Variants in FGF13 observed in about 807,000 individuals in gnomAD.
The protein encoded by FGF13 is fibroblast growth factor homologous factor 2.
A neutral mutation model predicts 19.5 loss-of-function variants in FGF13; 2 were observed. That is an observed-to-expected ratio of 0.10 (90% CI 0.04 to 0.32). The LOEUF (loss-of-function observed/expected upper bound fraction) is 0.32, where lower values mean the gene tolerates loss of function less well. Ranked by LOEUF, FGF13 falls within the 10% of genes least tolerant of loss-of-function variation. The pLI is 1.00. For missense variants in FGF13, 113 were observed against 192.7 expected (o/e 0.59, Z 2.45); for synonymous variants, 72 against 76.9 (o/e 0.94, Z 0.33).
chrX:139,193,653 T>C (rs1041373131), intron 1 of FGF13, among the ~76,000 whole-genome samples: 1 of 111,030 alleles, frequency 9.0e-6, no homozygotes. Flanking sequence ...AATATAAAAA[T>C]AATAAGTAGG....
chrX:139,087,619 A>T (rs907296032), intron 1 of FGF13, among the ~76,000 whole-genome samples: 9 of 111,708 alleles, frequency 8.1e-5, no homozygotes, highest in African/African-American at 2.9e-4. Flanking sequence ...TGATATAGTT[A>T]TTTCAGTTGT....
chrX:138,792,642 G>A (rs1157985109), intron 3 of FGF13, among the ~76,000 whole-genome samples: 1 of 111,606 alleles, frequency 9.0e-6, no homozygotes, highest in African/African-American at 3.3e-5. Flanking sequence ...ACCTAGGATG[G>A]CCTGAGACTG....
At chrX:139,013,236 C>T (rs772326840) in intron 1 of FGF13, among the ~76,000 whole-genome samples, 9 of 109,034 alleles carry the variant, frequency 8.3e-5, no homozygotes, top group Non-Finnish European at 1.5e-4. Flanking sequence ...ACAATTACAC[C>T]GTTGGAGGGA....
intron 1 of FGF13, 84 bp downstream of exon 1, chrX:138,710,733 C>A: frequency 8.7e-7 from 1 of 1,153,143 alleles, no homozygotes; most frequent in Non-Finnish European, 1.2e-6. Flanking sequence ...CACCAACAAA[C>A]TCACCTATGC....
intron 1 of FGF13, among the ~76,000 whole-genome samples, chrX:138,875,227 G>A (rs1602985992): frequency 1.1e-5 from 1 of 92,415 alleles, no homozygotes; most frequent in African/African-American, 4.3e-5. Context: ...GCGAGACTCT[G>A]TCTCAAAAAA....
At chrX:138,978,388 G>A (rs953715335) in intron 1 of FGF13, among the ~76,000 whole-genome samples, 5 of 106,777 alleles carry the variant, frequency 4.7e-5, no homozygotes, top group South Asian at 8.7e-4. Context: ...TCAGCCTCCC[G>A]AGTAGCTGGG....
At chrX:138,773,740 G>C (rs940113166) in intron 3 of FGF13, among the ~76,000 whole-genome samples, 3 of 111,532 alleles carry the variant, frequency 2.7e-5, no homozygotes, top group African/African-American at 9.8e-5. Flanking sequence ...TTTTCAAGGA[G>C]GGGTGATTTT....
chrX:139,115,904 CAT>C (rs1185990793), intron 1 of FGF13, among the ~76,000 whole-genome samples: 2 of 112,530 alleles, frequency 1.8e-5, no homozygotes, highest in African/African-American at 3.2e-5. Flanking sequence ...AATATTTTCA[CAT>C]GAGTGATTCA....
chrX:139,008,555 C>T (rs760507714), intron 1 of FGF13, among the ~76,000 whole-genome samples: 4 of 112,175 alleles, frequency 3.6e-5, no homozygotes, highest in South Asian at 3.7e-4. Flanking sequence ...AGTACCAACC[C>T]GGAGCCTGGT....
chrX:138,696,058 A>G (rs919848912), intron 3 of FGF13, among the ~76,000 whole-genome samples: 6 of 112,082 alleles, frequency 5.4e-5, no homozygotes, highest in African/African-American at 1.9e-4. Flanking sequence ...CAAAGAAGGA[A>G]GCAGCTATGC....
At chrX:139,053,554 T>A (rs1253446244) in intron 1 of FGF13, among the ~76,000 whole-genome samples, 1 of 111,360 alleles carries the variant, frequency 9.0e-6, no homozygotes, top group East Asian at 2.8e-4. Flanking sequence ...TATCTTCTTT[T>A]AAGAACTGTC....
chrX:138,978,082 T>C (rs912272862), intron 1 of FGF13, among the ~76,000 whole-genome samples: 2 of 110,962 alleles, frequency 1.8e-5, no homozygotes, highest in African/African-American at 6.6e-5. Flanking sequence ...ATTTCTATCA[T>C]TGTAGAAAGC....
intron 1 of FGF13, among the ~76,000 whole-genome samples, chrX:138,963,221 C>A (rs1473374789): frequency 8.8e-6 from 1 of 113,153 alleles, no homozygotes; most frequent in Non-Finnish European, 1.9e-5. Context: ...AACGCCACTC[C>A]TGGCAAGACC....
chrX:138,940,179 AG>A lies in FGF13; in HGVS notation c.-112-75530del, dbSNP rs2124271778. 2.7e-5 allele frequency among the ~76,000 whole-genome samples: 3 copies of A among 111,472 alleles called. No homozygotes were observed. The Admixed American group carries it at 2.9e-4, about 11-fold the overall frequency. ...ATTTCTCTAATGATTAGTGATGGTG[AG>A]CTTTTTTTTATATCCTTATTGGCCA... On this transcript the variant is annotated intron_variant, in intron 1 of 2. Transcript: ENST00000421460.
intron 1 of FGF13, among the ~76,000 whole-genome samples, chrX:139,199,685 C>A (rs2084400953): frequency 9.0e-6 from 1 of 111,484 alleles, no homozygotes; most frequent in Admixed American, 9.5e-5. Flanking sequence ...GACCTCAACT[C>A]CTTCCTTCGC....
chrX:138,648,329 C>G (rs2089329295), intron 3 of FGF13, among the ~76,000 whole-genome samples: 1 of 111,518 alleles, frequency 9.0e-6, no homozygotes, highest in Admixed American at 9.6e-5. Context: ...TAATGGCTCT[C>G]TGCTGCCTAC....
In FGF13 at chrX:138,622,823, G is replaced by T. The variant is rs917465544; in HGVS notation, c.*10027C>A. On this transcript the variant is annotated 3_prime_UTR_variant, in exon 5 of 5. Coordinates refer to ENST00000315930, the MANE Select transcript of FGF13 (RefSeq NM_004114.5). ...TTTTTTTTATTTCTGTAAAAGATTC[G>T]ATTAAGATTTTGATAGGGCTTGCAT... The T allele has an allele frequency of 1.8e-5, 2 of 111,345 alleles. No homozygotes were observed. The highest frequency in any genetic ancestry group is 5.6e-4 in the East Asian group (2 of 3,546). The allele number at this position is 111,345 out of a possible 1,213,427, so 9.2% of individuals were successfully genotyped here.
intron 3 of FGF13, among the ~76,000 whole-genome samples, chrX:138,661,628 A>T (rs1039246013): frequency 1.8e-5 from 2 of 111,869 alleles, no homozygotes; most frequent in Non-Finnish European, 3.8e-5. Flanking sequence ...ATAGTATTAG[A>T]TAGAAATTTA....
intron 1 of FGF13, among the ~76,000 whole-genome samples, chrX:138,927,049 A>G (rs2091677904): frequency 8.9e-6 from 1 of 111,825 alleles, no homozygotes; most frequent in African/African-American, 3.3e-5. Flanking sequence ...TAGAAAGCCA[A>G]GATGATTTAT....
Sources: gnomAD v4.1 joint callset for allele counts (sites outside exome capture counted in the v4.1 genomes callset) on GRCh38, gnomAD v4.1.1 for gene constraint, MANE v1.5 for transcripts, NCBI Gene and HGNC (gene_info 2026-07-23, HGNC 2026-07-21) for gene names.